Variants in NEBL observed in about 807,000 individuals in gnomAD.
NEBL encodes LIM and SH3 protein 2.
NEBL carries 122 observed loss-of-function variants against 140.2 expected under a neutral mutation model. That is an observed-to-expected ratio of 0.87 (90% confidence interval 0.75 to 1.01). The LOEUF (loss-of-function observed/expected upper bound fraction) is 1.01. Ranked by LOEUF, NEBL falls within the 50% of genes least tolerant of loss-of-function variation. The pLI is 0.00. For synonymous variants in NEBL, 436 were observed against 398.9 expected (o/e 1.09, Z -1.11); for missense variants, 1,365 against 1,231.3 (o/e 1.11, Z -1.62).
At chr10:20,833,508 T>C (rs992254998) in intron 14 of NEBL, among the ~76,000 whole-genome samples, 8 of 152,236 alleles carry the variant, frequency 5.3e-5, no homozygotes, top group Admixed American at 2.0e-4. Context: ...GGGGTTTTTA[T>C]TGACTAAGAT....
At chr10:21,196,300 C>T (rs906425614) in intron 3 of NEBL, among the ~76,000 whole-genome samples, 1 of 145,992 alleles carries the variant, frequency 6.8e-6, no homozygotes, top group Non-Finnish European at 1.5e-5. Context: ...CCACGCCGGG[C>T]CTATATTTTT....
At chr10:20,986,584 A>G (rs1352536601) in intron 3 of NEBL, among the ~76,000 whole-genome samples, 2 of 152,218 alleles carry the variant, frequency 1.3e-5, no homozygotes, top group South Asian at 2.1e-4. Context: ...CCTTTCAAAA[A>G]TAAGTTCTGT....
chr10:21,179,038 C>T (rs908340296), upstream of NEBL, among the ~76,000 whole-genome samples: 3 of 152,114 alleles, frequency 2.0e-5, no homozygotes, highest in Admixed American at 1.3e-4. Flanking sequence ...AATGTTGAGA[C>T]GAAGAGATTA....
intron 1 of NEBL, among the ~76,000 whole-genome samples, chr10:21,290,825 G>A (rs940310207): frequency 6.6e-6 from 1 of 152,138 alleles, no homozygotes; most frequent in Non-Finnish European, 1.5e-5. Context: ...TCTCCCCTAT[G>A]AAGAGTATAT....
intron 3 of NEBL, among the ~76,000 whole-genome samples, chr10:21,204,663 A>T (rs139448070): frequency 1.3e-5 from 2 of 152,320 alleles, no homozygotes; most frequent in African/African-American, 4.8e-5. Context: ...TAGCAGAGGA[A>T]TACATCCTGT....
intron 2 of NEBL, among the ~76,000 whole-genome samples, chr10:21,061,985 A>T (rs1835326251): frequency 1.3e-5 from 2 of 152,224 alleles, no homozygotes; most frequent in South Asian, 4.1e-4. Flanking sequence ...GTAATCCTGA[A>T]ATTTCCTACT....
rs148537202 is a variant in NEBL, at chr10:21,110,503, C to T, written c.164+61880G>A. Among the ~76,000 whole-genome samples, 491 of 152,174 alleles carry T rather than the reference C, an allele frequency of 3.2e-3. 2 individuals are homozygous for T. The highest frequency in any genetic ancestry group is 5.8e-3 in the Non-Finnish European group (393 of 67,980). On this transcript the variant is annotated intron_variant, in intron 2 of 6. Transcript: ENST00000417816. ...TCTGTAGTAATGTCATTTCTGTCATCCCTGGTATTGGTTCTTTGTTCCCTA... is the reference window on the plus strand; with the variant it reads ...TCTGTAGTAATGTCATTTCTGTCATTCCTGGTATTGGTTCTTTGTTCCCTA...
chr10:21,105,099 A>G (rs918079257), intron 2 of NEBL, among the ~76,000 whole-genome samples: 1 of 152,160 alleles, frequency 6.6e-6, no homozygotes, highest in African/African-American at 2.4e-5. Flanking sequence ...TATCTTTTTT[A>G]CATATTGTTG....
chr10:20,983,503 G>A (rs191517582), intron 3 of NEBL, among the ~76,000 whole-genome samples: 46 of 152,286 alleles, frequency 3.0e-4, no homozygotes, highest in Non-Finnish European at 5.0e-4. Context: ...CTCTCTTTCC[G>A]TAAGTATTCC....
intron 2 of NEBL, among the ~76,000 whole-genome samples, chr10:21,118,078 T>C (rs1390962423): frequency 1.3e-5 from 2 of 151,866 alleles, no homozygotes; most frequent in Non-Finnish European, 2.9e-5. Flanking sequence ...CTGAGAAGGA[T>C]GGCAACCTAG....
At chr10:20,936,323 G>A (rs1834482005) in intron 4 of NEBL, among the ~76,000 whole-genome samples, 1 of 152,030 alleles carries the variant, frequency 6.6e-6, no homozygotes, top group African/African-American at 2.4e-5. Context: ...ACGGTAAAAG[G>A]GGCAATAAAA....
intron 3 of NEBL, among the ~76,000 whole-genome samples, chr10:20,971,413 A>G (rs1175817938): frequency 6.6e-6 from 1 of 151,854 alleles, no homozygotes; most frequent in African/African-American, 2.4e-5. Context: ...AAATATAAAT[A>G]GCTTAATTCA....
At chr10:21,152,884 G>A (rs1840197793) in intron 2 of NEBL, among the ~76,000 whole-genome samples, 1 of 152,096 alleles carries the variant, frequency 6.6e-6, no homozygotes. Context: ...CAATTTCCTT[G>A]TTTGTAGCAA....
chr10:20,792,783 A>C (rs1255833673), intron 26 of NEBL, among the ~76,000 whole-genome samples: 1 of 151,618 alleles, frequency 6.6e-6, no homozygotes, highest in Admixed American at 6.6e-5. Context: ...CTAGGTGACA[A>C]GAGCAAAATA....
At chr10:20,924,201 T>C (rs944015348) in intron 4 of NEBL, among the ~76,000 whole-genome samples, 3 of 151,994 alleles carry the variant, frequency 2.0e-5, no homozygotes, top group Admixed American at 2.0e-4. Context: ...TTATTGGCAT[T>C]TCATGGGTAG....
At chr10:21,213,711 G>T (rs569461841) in intron 3 of NEBL, among the ~76,000 whole-genome samples, 4 of 152,208 alleles carry the variant, frequency 2.6e-5, no homozygotes, top group African/African-American at 7.2e-5. Context: ...CCTTAGAAAT[G>T]GGTTCTATAG....
chr10:21,159,215 C>G (rs185531845), intron 2 of NEBL, among the ~76,000 whole-genome samples: 6 of 152,068 alleles, frequency 3.9e-5, no homozygotes, highest in South Asian at 2.1e-4. Context: ...CTTGAGCCAC[C>G]TTTTTTTCTT....
At chr10:20,873,275 G>A (rs1009973713) in intron 5 of NEBL, among the ~76,000 whole-genome samples, 3 of 152,144 alleles carry the variant, frequency 2.0e-5, no homozygotes, top group Non-Finnish European at 2.9e-5. Flanking sequence ...ACAGTGGACT[G>A]GCCTTCACTC....
intron 4 of NEBL, among the ~76,000 whole-genome samples, chr10:20,885,187 T>G (rs1846396763): frequency 6.6e-6 from 1 of 152,240 alleles, no homozygotes; most frequent in Non-Finnish European, 1.5e-5. Context: ...TGATACTATT[T>G]GGACACTGTA....
Sources: gnomAD v4.1 joint callset for allele counts (sites outside exome capture counted in the v4.1 genomes callset) on GRCh38, gnomAD v4.1.1 for gene constraint, MANE v1.5 for transcripts, NCBI Gene and HGNC (gene_info 2026-07-23, HGNC 2026-07-21) for gene names.